CDK14: variants seen among roughly 807,000 people sequenced by gnomAD.
CDK14 encodes the protein cyclin dependent kinase 14.
CDK14 carries 34 observed loss-of-function variants against 60.7 expected under a neutral mutation model. The ratio of observed to expected loss-of-function variants is 0.56; its 90% CI spans 0.43 to 0.75. The LOEUF (loss-of-function observed/expected upper bound fraction) is 0.75, where lower values mean the gene tolerates loss of function less well. CDK14 is among the 30% of genes least tolerant of loss of function. The pLI is 0.00. For missense variants in CDK14, 482 were observed against 564.1 expected (o/e 0.85, Z 1.47); for synonymous variants, 197 against 203.7 (o/e 0.97, Z 0.28).
chr7:90,884,767 C>T (rs1343164158), intron 6 of CDK14, among the ~76,000 whole-genome samples: 1 of 152,100 alleles, frequency 6.6e-6, no homozygotes, highest in African/African-American at 2.4e-5. Context: ...ACATAGATCT[C>T]AGAAATATCA....
chr7:90,793,034 C>T (rs1805898062), intron 5 of CDK14, among the ~76,000 whole-genome samples: 1 of 152,164 alleles, frequency 6.6e-6, no homozygotes, highest in African/African-American at 2.4e-5. Flanking sequence ...CTTTACTCTC[C>T]ACATCACACC....
At chr7:90,711,940 T>C (rs1186098350) in intron 2 of CDK14, among the ~76,000 whole-genome samples, 2 of 151,102 alleles carry the variant, frequency 1.3e-5, no homozygotes, top group Non-Finnish European at 3.0e-5. Context: ...GCCAGGTTTG[T>C]CTTGAGCTCC....
chr7:91,121,749 T>C (rs577021562), intron 14 of CDK14, among the ~76,000 whole-genome samples: 1 of 152,204 alleles, frequency 6.6e-6, no homozygotes, highest in Non-Finnish European at 1.5e-5. Context: ...TCTAAAGATA[T>C]TAGTAAAGAT....
intron 9 of CDK14, among the ~76,000 whole-genome samples, chr7:90,966,231 A>T (rs902314368): frequency 1.3e-5 from 2 of 152,156 alleles, no homozygotes; most frequent in Non-Finnish European, 2.9e-5. Context: ...TTAAAAAAAA[A>T]TCAGCTTCCA....
At chr7:90,623,411 C>G (rs1799813533) in intron 2 of CDK14, among the ~76,000 whole-genome samples, 2 of 152,022 alleles carry the variant, frequency 1.3e-5, no homozygotes, top group Non-Finnish European at 2.9e-5. Context: ...GGGCTTTTCT[C>G]TGTATATATG....
At chr7:90,802,134 G>A (rs1324056046) in intron 5 of CDK14, among the ~76,000 whole-genome samples, 3 of 152,126 alleles carry the variant, frequency 2.0e-5, no homozygotes, top group Admixed American at 1.3e-4. Context: ...TGTCAATATC[G>A]CTGTTTGGAA....
At chr7:90,987,150 G>T (rs944714869) in intron 10 of CDK14, among the ~76,000 whole-genome samples, 1 of 151,860 alleles carries the variant, frequency 6.6e-6, no homozygotes, top group Non-Finnish European at 1.5e-5. Context: ...GTAATATCTT[G>T]TTGGATTATT....
chr7:91,112,650 C>G lies in CDK14; in HGVS notation c.1263C>G (p.Asp421Glu). 1 of 1,613,686 alleles carries G rather than the reference C, an allele frequency of 6.2e-7. No homozygotes were observed. The highest frequency in any genetic ancestry group is 8.5e-7 in the Non-Finnish European group (1 of 1,179,840). Reference protein sequence around the residue: ...QAALSHEYFSDLPPRLWELTD... With the variant: ...QAALSHEYFSELPPRLWELTD... ...CCTTGAGCCACGAGTATTTTAGTGA[C>G]CTGCCGCCACGGCTATGGGAACTCA... The change falls in exon 13 of 15, where the codon GAC becomes GAG. Residue 421 changes from aspartate to glutamate, a missense_variant. By Grantham distance (45) the Asp-to-Glu change is conservative. Coordinates refer to ENST00000380050, the MANE Select transcript of CDK14 (RefSeq NM_001287135.2).
At chr7:90,664,382 G>A (rs1260372896) in intron 2 of CDK14, among the ~76,000 whole-genome samples, 5 of 152,048 alleles carry the variant, frequency 3.3e-5, no homozygotes, top group Non-Finnish European at 7.4e-5. Context: ...TCGGTGTGGC[G>A]ATTCCTCAGG....
At chr7:90,786,449 G>A (rs966298918) in intron 4 of CDK14, among the ~76,000 whole-genome samples, 2 of 152,080 alleles carry the variant, frequency 1.3e-5, no homozygotes, top group African/African-American at 4.8e-5. Context: ...TTAAATCAAC[G>A]TTTGAATTAT....
chr7:90,824,802 TGTG>T (rs1397260133), intron 5 of CDK14: 2 of 152,184 alleles, frequency 1.3e-5, no homozygotes, highest in Non-Finnish European at 2.9e-5. Context: ...AAGTAATAGA[TGTG>T]GTGATGGTAA....
At chr7:90,703,979 A>G (rs1301607122) in intron 2 of CDK14, among the ~76,000 whole-genome samples, 3 of 152,176 alleles carry the variant, frequency 2.0e-5, no homozygotes, top group African/African-American at 7.2e-5. Flanking sequence ...CCAATTACTC[A>G]GCAGGCTGAG....
chr7:90,920,098 A>G (rs1019333813), intron 8 of CDK14, among the ~76,000 whole-genome samples: 4 of 152,216 alleles, frequency 2.6e-5, no homozygotes, highest in Admixed American at 2.6e-4. Flanking sequence ...AAGACATGCA[A>G]TTAACTGTGA....
intron 14 of CDK14, among the ~76,000 whole-genome samples, chr7:91,192,933 C>A (rs953884726): frequency 2.6e-5 from 4 of 152,254 alleles, no homozygotes; most frequent in Non-Finnish European, 5.9e-5. Flanking sequence ...TAGCCTGATC[C>A]GGGTTTCTCC....
At chr7:90,639,063 G>GC (rs1323778288) in intron 2 of CDK14, among the ~76,000 whole-genome samples, 1 of 152,044 alleles carries the variant, frequency 6.6e-6, no homozygotes, top group African/African-American at 2.4e-5. Context: ...CAACTTCTTT[G>GC]CCTTTGGTTT....
At chr7:90,702,526 G>T (rs1801805582) in intron 2 of CDK14, among the ~76,000 whole-genome samples, 1 of 150,554 alleles carries the variant, frequency 6.6e-6, no homozygotes, top group Non-Finnish European at 1.5e-5. Context: ...ATCAGTATTA[G>T]CTTGAAAAGG....
intron 2 of CDK14, among the ~76,000 whole-genome samples, chr7:90,638,951 G>A (rs1295080671): frequency 1.1e-4 from 17 of 151,918 alleles, no homozygotes; most frequent in Middle Eastern, 3.4e-3. Flanking sequence ...CATTCTTCAC[G>A]TAGTTCTCGA....
At chr7:90,862,621 A>C (rs1791046518) in intron 5 of CDK14, among the ~76,000 whole-genome samples, 1 of 152,134 alleles carries the variant, frequency 6.6e-6, no homozygotes, top group African/African-American at 2.4e-5. Flanking sequence ...ATTAGTAAGG[A>C]TATATTAATA....
intron 2 of CDK14, among the ~76,000 whole-genome samples, chr7:90,655,338 G>A (rs1281574464): frequency 6.6e-6 from 1 of 152,076 alleles, no homozygotes; most frequent in Admixed American, 6.6e-5. Context: ...GATTGTGTTT[G>A]GATGTAAATT....
Sources: allele counts gnomAD v4.1 joint callset (sites outside exome capture counted in the v4.1 genomes callset), GRCh38; gene constraint gnomAD v4.1.1; transcripts MANE v1.5; gene names NCBI Gene and HGNC (gene_info 2026-07-23, HGNC 2026-07-21).